The following CSMD1 variants were observed in gnomAD, a reference collection of about 807,000 sequenced individuals.
CSMD1 encodes the protein CUB and Sushi multiple domains 1, also known as CUB and sushi domain-containing protein 1.
A neutral mutation model predicts 417.5 loss-of-function variants in CSMD1; 213 were observed. The ratio of observed to expected loss-of-function variants is 0.51; its 90% CI spans 0.46 to 0.57. The LOEUF (loss-of-function observed/expected upper bound fraction) is 0.57. Among genes scored for constraint, CSMD1 ranks in the 20% least tolerant of loss-of-function variants. The probability of loss-of-function intolerance (pLI) is 0.00; values close to 1 mark genes in which losing one functional copy is unlikely to be tolerated. For synonymous variants in CSMD1, 2,862 were observed against 1,736.8 expected, an observed-to-expected ratio of 1.65 and a Z score of -16.11; for missense variants, 6,923 against 4,529.7, an observed-to-expected ratio of 1.53 and a Z score of -15.17.
chr8:3,177,388 C>T (rs1374497106), intron 37 of CSMD1, among the ~76,000 whole-genome samples: 1 of 152,130 alleles, frequency 6.6e-6, no homozygotes, highest in Non-Finnish European at 1.5e-5. Flanking sequence ...CCATGCATGT[C>T]CCTGAAGCTT....
chr8:4,360,766 C>G (rs1004475713), intron 3 of CSMD1, among the ~76,000 whole-genome samples: 3 of 151,594 alleles, frequency 2.0e-5, no homozygotes, highest in Admixed American at 6.6e-5. Context: ...AGTGCTGGGA[C>G]TACAGGTGTG....
At chr8:4,053,836 T>C (rs1798558304) in intron 3 of CSMD1, among the ~76,000 whole-genome samples, 1 of 152,188 alleles carries the variant, frequency 6.6e-6, no homozygotes, top group Non-Finnish European at 1.5e-5. Flanking sequence ...TCAGTAGCTT[T>C]TACTAGTAGG....
chr8:4,935,342 G>A (rs1452287788), intron 1 of CSMD1, among the ~76,000 whole-genome samples: 5 of 152,158 alleles, frequency 3.3e-5, no homozygotes, highest in African/African-American at 1.2e-4. Context: ...CGCCCTCTGG[G>A]TGGAGACATC....
At chr8:3,959,074 G>C (rs1254166676) in intron 5 of CSMD1, among the ~76,000 whole-genome samples, 1 of 152,144 alleles carries the variant, frequency 6.6e-6, no homozygotes, top group African/African-American at 2.4e-5. Flanking sequence ...TGTTTCTCAA[G>C]CTCAGCTCTT....
intron 52 of CSMD1, among the ~76,000 whole-genome samples, chr8:3,012,928 T>A (rs1429995156): frequency 6.6e-6 from 1 of 152,156 alleles, no homozygotes; most frequent in East Asian, 1.9e-4. Context: ...CTCATGGTAG[T>A]AAATAAGTCT....
intron 3 of CSMD1, among the ~76,000 whole-genome samples, chr8:4,188,840 A>C (rs1798843633): frequency 6.6e-6 from 1 of 152,072 alleles, no homozygotes. Flanking sequence ...GATATTAAAA[A>C]AAAAAACGAA....
chr8:4,332,789 G>T (rs755858757), intron 3 of CSMD1, among the ~76,000 whole-genome samples: 1 of 151,998 alleles, frequency 6.6e-6, no homozygotes, highest in Non-Finnish European at 1.5e-5. Flanking sequence ...ATTCAAAATA[G>T]TTATGTGTGG....
intron 51 of CSMD1, among the ~76,000 whole-genome samples, chr8:3,027,085 CAAGCCCTGTAT>C (rs1563253053): frequency 6.6e-6 from 1 of 152,074 alleles, no homozygotes; most frequent in East Asian, 1.9e-4. Flanking sequence ...AAAAGATTGA[CAAGCCCTGTAT>C]TAGTACAATT....
chr8:4,175,634 G>T (rs560201224), intron 3 of CSMD1, among the ~76,000 whole-genome samples: 1 of 152,096 alleles, frequency 6.6e-6, no homozygotes, highest in Non-Finnish European at 1.5e-5. Context: ...ATTTGTGATG[G>T]CAAAAACTTG....
intron 3 of CSMD1, among the ~76,000 whole-genome samples, chr8:4,089,684 T>A (rs185145965): frequency 2.0e-5 from 3 of 152,178 alleles, no homozygotes; most frequent in Non-Finnish European, 2.9e-5. Context: ...GCTTAACATA[T>A]AGAATGTGCC....
intron 3 of CSMD1, among the ~76,000 whole-genome samples, chr8:4,034,915 T>C (rs1484765982): frequency 6.6e-6 from 1 of 152,144 alleles, no homozygotes; most frequent in African/African-American, 2.4e-5. Context: ...CAATGACCAG[T>C]CATTGTCACA....
intron 6 of CSMD1, among the ~76,000 whole-genome samples, chr8:3,718,678 G>C (rs1354284378): frequency 2.0e-5 from 3 of 152,268 alleles, no homozygotes; most frequent in Admixed American, 2.0e-4. Flanking sequence ...ACAAAACCTT[G>C]ATGACTGAAC....
chr8:4,783,755 G>A (rs1001603091), intron 1 of CSMD1, among the ~76,000 whole-genome samples: 2 of 152,142 alleles, frequency 1.3e-5, no homozygotes, highest in East Asian at 3.9e-4. Flanking sequence ...CTTTCTAGTA[G>A]GTCATCCAGC....
chr8:3,144,582 G>C (rs79262296), intron 40 of CSMD1, among the ~76,000 whole-genome samples: 2,001 of 152,076 alleles, frequency 0.013, 53 homozygotes, highest in African/African-American at 0.045. Context: ...GATGGTCTTG[G>C]CCATTCTAAC....
At chr8:4,637,021 G>A (rs563264338) in intron 2 of CSMD1, among the ~76,000 whole-genome samples, 2 of 152,270 alleles carry the variant, frequency 1.3e-5, no homozygotes, top group Non-Finnish European at 2.9e-5. Flanking sequence ...ATTCCTATAG[G>A]ACAGAAATGG....
In CSMD1 at chr8:3,599,955, C is replaced by A. The variant is rs532769370; in HGVS notation, c.1098-13695G>T. Among the ~76,000 whole-genome samples the A allele has an allele frequency of 2.0e-5, 3 of 152,272 alleles. No homozygotes were observed. The South Asian group carries it at 6.2e-4, about 32-fold the overall frequency. On this transcript the variant is annotated intron_variant, in intron 8 of 69. Coordinates refer to ENST00000635120, the MANE Select transcript of CSMD1 (RefSeq NM_033225.6). ...GGACGTCTTAAAGCAAAGTGTCGGT[C>A]TCTACAATTCATTGATGGCAAGCTC... is the stretch of plus-strand genomic sequence containing the variant.
chr8:4,912,966 T>C (rs1318890192), intron 1 of CSMD1, among the ~76,000 whole-genome samples: 1 of 152,132 alleles, frequency 6.6e-6, no homozygotes, highest in Admixed American at 6.5e-5. Context: ...GTTTTGTATT[T>C]TTAGTAGAGA....
At chr8:4,035,724 G>C (rs1040903606) in intron 3 of CSMD1, among the ~76,000 whole-genome samples, 1 of 152,214 alleles carries the variant, frequency 6.6e-6, no homozygotes, top group Admixed American at 6.5e-5. Context: ...TATTACGGAA[G>C]AGTCAAATGC....
At chr8:4,179,566 A>T (rs1335434508) in intron 3 of CSMD1, among the ~76,000 whole-genome samples, 1 of 151,150 alleles carries the variant, frequency 6.6e-6, no homozygotes, top group African/African-American at 2.4e-5. Flanking sequence ...ACAAAAGACA[A>T]AATTGACAAA....
Sources: gnomAD v4.1 joint callset for allele counts (sites outside exome capture counted in the v4.1 genomes callset) on GRCh38, gnomAD v4.1.1 for gene constraint, MANE v1.5 for transcripts, NCBI Gene and HGNC (gene_info 2026-07-23, HGNC 2026-07-21) for gene names.